The following ZFPM2 variants were observed in gnomAD, a reference collection of about 807,000 sequenced individuals.
ZFPM2 encodes the protein zinc finger protein, FOG family member 2.
Under a neutral mutation model 98.6 loss-of-function variants are expected in ZFPM2, and 20 were observed. That is an observed-to-expected ratio of 0.20 (90% CI 0.14 to 0.29). The LOEUF (loss-of-function observed/expected upper bound fraction) is 0.29. Ranked by LOEUF, ZFPM2 falls within the 10% of genes least tolerant of loss-of-function variation. ZFPM2 has a pLI of 1.00. For missense variants in ZFPM2, 1,310 were observed against 1,388.6 expected (o/e 0.94, Z 0.90); for synonymous variants, 518 against 502.7 (o/e 1.03, Z -0.41).
At chr8:105,328,651 G>C (rs1195178826) in intron 1 of ZFPM2, among the ~76,000 whole-genome samples, 1 of 151,810 alleles carries the variant, frequency 6.6e-6, no homozygotes, top group Non-Finnish European at 1.5e-5. Flanking sequence ...AATATAAATA[G>C]ATTAAATGGC....
chr8:105,795,246 T>TCG lies in ZFPM2; in HGVS notation c.740-3478_740-3477insCG, dbSNP rs1554582313. Among the ~76,000 whole-genome samples, 149 of 138,320 alleles carry TCG rather than the reference T, an allele frequency of 1.1e-3. 1 individual carries two copies. Among genetic ancestry groups the TCG allele is most frequent in the African/African-American group, 2.2e-3 (81 of 36,376 alleles). 90.7% of individuals were successfully genotyped at this position (138,320 alleles called of 152,430 possible). A position where few individuals can be genotyped will look rare whatever the true frequency, so the allele number is the denominator to read the frequency against. ...TTGGCTCCTCCCCCTCATTTTATCT[T>TCG]TGTGTGTGTGTGTGTGTGTGTGTGT... is the stretch of plus-strand genomic sequence containing the variant. On this transcript the variant is annotated intron_variant, in intron 6 of 7. Transcript: ENST00000407775.
chr8:105,681,785 C>G (rs1810609706), intron 5 of ZFPM2, among the ~76,000 whole-genome samples: 1 of 151,998 alleles, frequency 6.6e-6, no homozygotes, highest in African/African-American at 2.4e-5. Flanking sequence ...TAGGGGAAAC[C>G]AGTTGGCATA....
At chr8:105,772,541 AG>A (rs1283765034) in intron 5 of ZFPM2, among the ~76,000 whole-genome samples, 1 of 152,120 alleles carries the variant, frequency 6.6e-6, no homozygotes. Context: ...TACTTTGTAA[AG>A]GGTTACCTCA....
intron 5 of ZFPM2, among the ~76,000 whole-genome samples, chr8:105,700,731 G>A (rs1811122162): frequency 6.6e-6 from 1 of 152,060 alleles, no homozygotes; most frequent in African/African-American, 2.4e-5. Context: ...GAGTAGCTGG[G>A]ATTACAGCCG....
intron 5 of ZFPM2, among the ~76,000 whole-genome samples, chr8:105,637,746 T>C (rs1586166151): frequency 6.6e-6 from 1 of 152,208 alleles, no homozygotes; most frequent in South Asian, 2.1e-4. Context: ...CCAAACACAC[T>C]GGACTCAGGA....
At chr8:105,520,276 A>C (rs1321128682) in intron 3 of ZFPM2, among the ~76,000 whole-genome samples, 2 of 152,170 alleles carry the variant, frequency 1.3e-5, no homozygotes, top group African/African-American at 4.8e-5. Context: ...AAGACTTTTA[A>C]GTTGATGTAA....
intron 5 of ZFPM2, among the ~76,000 whole-genome samples, chr8:105,764,027 T>C (rs1307180750): frequency 6.6e-6 from 1 of 151,764 alleles, no homozygotes; most frequent in Non-Finnish European, 1.5e-5. Flanking sequence ...AATGGGAGCA[T>C]ACTACAACTT....
chr8:105,727,060 T>C (rs542346869), intron 5 of ZFPM2, among the ~76,000 whole-genome samples: 92 of 151,916 alleles, frequency 6.1e-4, no homozygotes, highest in African/African-American at 2.1e-3. Context: ...AATCTTCGGA[T>C]ATGTTGAATC....
At position 105,709,746 on chromosome 8, in the gene ZFPM2, T is replaced by A. The variant is rs1218781988; in HGVS notation, c.532+75389T>A. Among the ~76,000 whole-genome samples, 3 of 152,104 alleles carry A rather than the reference T, an allele frequency of 2.0e-5. No homozygotes were observed. The East Asian group carries it at 5.8e-4, about 29-fold the overall frequency. On this transcript the variant is annotated intron_variant, in intron 5 of 7. Transcript: ENST00000407775. ...CATTATTTATTTAAAGAAAAAAATT[T>A]TAGGAACTTTTTGTAGTCTGATACC...
intron 4 of ZFPM2, among the ~76,000 whole-genome samples, chr8:105,620,108 C>G (rs1816504353): frequency 6.6e-6 from 1 of 152,198 alleles, no homozygotes; most frequent in South Asian, 2.1e-4. Flanking sequence ...AATCGCCACA[C>G]TGTCTTCCAC....
At chr8:105,423,972 A>C (rs536430172) in intron 2 of ZFPM2, among the ~76,000 whole-genome samples, 1 of 152,310 alleles carries the variant, frequency 6.6e-6, no homozygotes, top group East Asian at 1.9e-4. Flanking sequence ...GGTTGCTAGT[A>C]GAATGTAATG....
At chr8:105,498,572 AC>A (rs1296995721) in intron 3 of ZFPM2, among the ~76,000 whole-genome samples, 7 of 152,014 alleles carry the variant, frequency 4.6e-5, no homozygotes, top group Admixed American at 2.0e-4. Flanking sequence ...TGAATCCTAA[AC>A]CCCTCTCTTT....
At chr8:105,442,365 CA>C (rs577045136) in intron 2 of ZFPM2, among the ~76,000 whole-genome samples, 11 of 151,862 alleles carry the variant, frequency 7.2e-5, no homozygotes, top group Admixed American at 1.3e-4. Flanking sequence ...AAAACAAAAA[CA>C]AAAAAACAAC....
At chr8:105,382,516 T>C (rs1379473565) in intron 1 of ZFPM2, among the ~76,000 whole-genome samples, 1 of 152,064 alleles carries the variant, frequency 6.6e-6, no homozygotes, top group Non-Finnish European at 1.5e-5. Context: ...ATATTAAAAA[T>C]AAAATAGAAA....
intron 5 of ZFPM2, among the ~76,000 whole-genome samples, chr8:105,680,251 T>C (rs2130919722): frequency 6.6e-6 from 1 of 152,298 alleles, no homozygotes; most frequent in Non-Finnish European, 1.5e-5. Flanking sequence ...GTAACAAATG[T>C]TCTTAAATGA....
intron 3 of ZFPM2, among the ~76,000 whole-genome samples, chr8:105,544,753 A>T (rs1814656452): frequency 6.6e-6 from 1 of 152,226 alleles, no homozygotes; most frequent in Admixed American, 6.5e-5. Flanking sequence ...CAAATGCAAG[A>T]TGATTACAGG....
At chr8:105,373,612 G>A (rs1460403972) in intron 1 of ZFPM2, among the ~76,000 whole-genome samples, 1 of 152,068 alleles carries the variant, frequency 6.6e-6, no homozygotes, top group Admixed American at 6.6e-5. Context: ...TAACAAAATG[G>A]AAGATAGATT....
chr8:105,656,859 T>C (rs1230190426), intron 5 of ZFPM2, among the ~76,000 whole-genome samples: 1 of 152,180 alleles, frequency 6.6e-6, no homozygotes, highest in East Asian at 1.9e-4. Context: ...GTATATAGAA[T>C]ACTTGATTCT....
intron 2 of ZFPM2, among the ~76,000 whole-genome samples, chr8:105,442,177 CAAA>C (rs34122458): frequency 7.6e-6 from 1 of 131,360 alleles, no homozygotes; most frequent in Admixed American, 7.7e-5. Flanking sequence ...ACTAAAAATA[CAAA>C]AAAAAAAAAA....
Sources: allele counts gnomAD v4.1 joint callset (sites outside exome capture counted in the v4.1 genomes callset), GRCh38; gene constraint gnomAD v4.1.1; transcripts MANE v1.5; gene names NCBI Gene and HGNC (gene_info 2026-07-23, HGNC 2026-07-21).